EFHD1: variants seen among roughly 807,000 people sequenced by gnomAD.
The protein encoded by EFHD1 is EF-hand domain family member D1.
In EFHD1, 10 loss-of-function variants were observed where a neutral mutation model predicts 17.2. That is an observed-to-expected ratio of 0.58 (90% CI 0.36 to 0.99). EFHD1 has a LOEUF of 0.99. EFHD1 is among the 50% of genes least tolerant of loss of function. The pLI is 0.01. For synonymous variants in EFHD1, 153 were observed against 142.0 expected (o/e 1.08, Z -0.55); for missense variants, 310 against 327.5 (o/e 0.95, Z 0.41).
chr2:232,676,036 C>T (rs1324833590), intron 3 of EFHD1, among the ~76,000 whole-genome samples: 1 of 152,034 alleles, frequency 6.6e-6, no homozygotes, highest in Non-Finnish European at 1.5e-5. Flanking sequence ...ATTAGCCGGG[C>T]ATGGTGGCAT....
chr2:232,658,053 A>G (rs750783847), intron 1 of EFHD1, among the ~76,000 whole-genome samples: 1 of 151,190 alleles, frequency 6.6e-6, no homozygotes, highest in Non-Finnish European at 1.5e-5. Context: ...GGCATGCGCC[A>G]CCATGCCTGG....
intron 1 of EFHD1, among the ~76,000 whole-genome samples, chr2:232,656,426 CTT>C (rs112444755): frequency 1.1e-4 from 15 of 130,592 alleles, no homozygotes; most frequent in Non-Finnish European, 1.3e-4. Context: ...TAGGACCTTG[CTT>C]TTTTTTTTTT....
chr2:232,663,880 C>T (rs200527918), intron 2 of EFHD1, among the ~76,000 whole-genome samples: 1 of 151,898 alleles, frequency 6.6e-6, no homozygotes, highest in East Asian at 1.9e-4. Flanking sequence ...GCAGCCTTGA[C>T]CTTCTAGTCT....
intron 2 of EFHD1, among the ~76,000 whole-genome samples, chr2:232,665,370 TTA>T (rs1319306644): frequency 6.6e-6 from 1 of 152,152 alleles, no homozygotes; most frequent in Non-Finnish European, 1.5e-5. Context: ...AGATGTGTCT[TTA>T]TGAGTTTTAT....
chr2:232,621,396 G>T (rs1694014731), intron 1 of EFHD1, among the ~76,000 whole-genome samples: 2 of 152,068 alleles, frequency 1.3e-5, no homozygotes, highest in African/African-American at 2.4e-5. Flanking sequence ...TGCTTTACAG[G>T]CCATCGATTG....
intron 2 of EFHD1, among the ~76,000 whole-genome samples, chr2:232,664,662 G>A (rs185665837): frequency 1.4e-5 from 2 of 138,494 alleles, no homozygotes; most frequent in Admixed American, 1.6e-4. Flanking sequence ...CACCCAGGCT[G>A]GAGTGCAGTG....
chr2:232,623,692 AAAG>A (rs764686769), intron 1 of EFHD1, among the ~76,000 whole-genome samples: 1,891 of 101,584 alleles, frequency 0.019, 35 homozygotes, highest in South Asian at 0.038. Context: ...AAAAAAAAAA[AAAG>A]AAGAAGAAGA....
chr2:232,669,023 G>A (rs1466085733), intron 2 of EFHD1, among the ~76,000 whole-genome samples: 1 of 152,200 alleles, frequency 6.6e-6, no homozygotes, highest in African/African-American at 2.4e-5. Flanking sequence ...CGTGGAGCAA[G>A]GAGGTGGGGC....
At chr2:232,639,594 T>G (rs142411147) in intron 1 of EFHD1, among the ~76,000 whole-genome samples, 64 of 152,306 alleles carry the variant, frequency 4.2e-4, no homozygotes, top group Non-Finnish European at 8.2e-4. Flanking sequence ...ATAGGAATAC[T>G]TCTTCCATTG....
intron 1 of EFHD1, chr2:232,606,216 A>T: frequency 6.5e-7 from 1 of 1,548,022 alleles, no homozygotes; most frequent in African/African-American, 1.4e-5. Context: ...AGAGTCTACG[A>T]TTTTCGACGT....
intron 1 of EFHD1, among the ~76,000 whole-genome samples, chr2:232,658,022 T>G (rs1317044250): frequency 6.8e-6 from 1 of 146,182 alleles, no homozygotes; most frequent in Non-Finnish European, 1.5e-5. Flanking sequence ...TGCCTCAGCC[T>G]CCTGAGTAGC....
chr2:232,626,943 T>C (rs1395613958), intron 1 of EFHD1, among the ~76,000 whole-genome samples: 2 of 151,448 alleles, frequency 1.3e-5, no homozygotes, highest in Non-Finnish European at 2.9e-5. Context: ...CCCAGCACTT[T>C]GGGAGGTCAA....
intron 1 of EFHD1, among the ~76,000 whole-genome samples, chr2:232,637,705 G>A (rs1250523376): frequency 6.6e-6 from 1 of 152,048 alleles, no homozygotes; most frequent in Non-Finnish European, 1.5e-5. Context: ...AGTTCGTTGG[G>A]CCCCTTGCAG....
intron 1 of EFHD1, among the ~76,000 whole-genome samples, chr2:232,661,153 AAAAAC>A (rs536617308): frequency 0.037 from 2,444 of 66,396 alleles, 43 homozygotes; most frequent in Middle Eastern, 0.26. Context: ...GTCTCAAAAA[AAAAAC>A]AAAAACAAAA....
intron 1 of EFHD1, among the ~76,000 whole-genome samples, chr2:232,649,486 C>T (rs750599408): frequency 1.2e-4 from 18 of 152,066 alleles, no homozygotes; most frequent in Non-Finnish European, 2.2e-4. Context: ...TGGCAGGTGG[C>T]GGATTTGGGT....
chr2:232,679,281 C>T (rs1559358732), intron 3 of EFHD1, among the ~76,000 whole-genome samples: 1 of 152,032 alleles, frequency 6.6e-6, no homozygotes, highest in South Asian at 2.1e-4. Flanking sequence ...ATATGTATAT[C>T]GTCCCAAATG....
chr2:232,676,331 A>G (rs1191685787), intron 3 of EFHD1, among the ~76,000 whole-genome samples: 2 of 152,178 alleles, frequency 1.3e-5, no homozygotes, highest in African/African-American at 2.4e-5. Flanking sequence ...GGTTGCAAAT[A>G]GTTTCTGATC....
chr2:232,672,225 G>C (rs1403383241), intron 2 of EFHD1, 84 bp from the exon 3 acceptor site: 1 of 1,572,064 alleles, frequency 6.4e-7, no homozygotes, highest in Admixed American at 1.7e-5. Flanking sequence ...GTGATTGGCA[G>C]AGTGACTTCA....
At chr2:232,660,753 G>A (rs564826604) in intron 1 of EFHD1, among the ~76,000 whole-genome samples, 33 of 152,172 alleles carry the variant, frequency 2.2e-4, no homozygotes, top group Non-Finnish European at 2.9e-4. Flanking sequence ...CAAGGCGGGC[G>A]GATCATGTGA....
Sources: allele counts gnomAD v4.1 joint callset (sites outside exome capture counted in the v4.1 genomes callset), GRCh38; gene constraint gnomAD v4.1.1; transcripts MANE v1.5; gene names NCBI Gene and HGNC (gene_info 2026-07-23, HGNC 2026-07-21).